SH3RF3: variants seen among roughly 807,000 people sequenced by gnomAD.
SH3RF3 encodes the protein E3 ubiquitin-protein ligase SH3RF3.
SH3RF3 carries 29 observed loss-of-function variants against 66.3 expected under a neutral mutation model. That is an observed-to-expected ratio of 0.44 (90% CI 0.33 to 0.60). The LOEUF is 0.60. SH3RF3 is among the 20% of genes least tolerant of loss of function. The probability of loss-of-function intolerance (pLI) is 0.04; values close to 1 mark genes in which losing one functional copy is unlikely to be tolerated. For missense variants in SH3RF3, 1,194 were observed against 1,190.9 expected (o/e 1.00, Z -0.04); for synonymous variants, 583 against 532.0 (o/e 1.10, Z -1.32).
chr2:109,248,533 A>G (rs1679975111), intron 1 of SH3RF3, among the ~76,000 whole-genome samples: 1 of 152,258 alleles, frequency 6.6e-6, no homozygotes, highest in African/African-American at 2.4e-5. Flanking sequence ...AATGGATGTT[A>G]CTACCCTGTA....
chr2:109,399,965 C>T (rs895556268), intron 4 of SH3RF3, among the ~76,000 whole-genome samples: 6 of 152,280 alleles, frequency 3.9e-5, no homozygotes, highest in Admixed American at 2.0e-4. Context: ...CCCGCCACCA[C>T]GCTCCACATT....
chr2:109,288,461 G>A (rs772768095), intron 1 of SH3RF3, among the ~76,000 whole-genome samples: 8 of 152,280 alleles, frequency 5.3e-5, no homozygotes, highest in Middle Eastern at 6.8e-3. Flanking sequence ...AAGTATGAGA[G>A]CCCACAGAGA....
Position 109,347,854 on chromosome 2 carries a change from C to T in SH3RF3, c.754C>T (p.Gln252Ter), listed in dbSNP as rs1250250298. 1 of 1,613,616 alleles carries T rather than the reference C, an allele frequency of 6.2e-7. No homozygotes were observed. The highest frequency in any genetic ancestry group is 1.3e-5 in the African/African-American group (1 of 74,908). ...FLPASYIQCI[Q>*]PLPHAPPQGK... Reference sequence around the variant, plus strand: ...CCCAGCCAGCTATATCCAGTGCATCCAGCCCTTGCCACACGCCCCGCCCCA... The same window carrying T: ...CCCAGCCAGCTATATCCAGTGCATCTAGCCCTTGCCACACGCCCCGCCCCA... Residue 252 changes from glutamine to a stop codon, truncating the protein, a stop_gained, in exon 2 of 10, where the codon CAG becomes TAG. Transcript: ENST00000309415. LOFTEE classifies it high-confidence loss of function.
At chr2:109,208,170 C>T (rs115244222) in intron 1 of SH3RF3, among the ~76,000 whole-genome samples, 33 of 152,386 alleles carry the variant, frequency 2.2e-4, no homozygotes, top group African/African-American at 6.7e-4. Context: ...CAGCATGCAA[C>T]TGCCCTGTGG....
At chr2:109,195,968 C>A (rs764629872) in intron 1 of SH3RF3, among the ~76,000 whole-genome samples, 5 of 152,216 alleles carry the variant, frequency 3.3e-5, no homozygotes, top group Non-Finnish European at 5.9e-5. Flanking sequence ...ACCTTGCGGG[C>A]CTTCTGGAGA....
chr2:109,489,245 G>A (rs532282511), intron 8 of SH3RF3, among the ~76,000 whole-genome samples: 3 of 152,356 alleles, frequency 2.0e-5, no homozygotes, highest in African/African-American at 7.2e-5. Flanking sequence ...GGTCACCAAG[G>A]GTGATGGGGA....
intron 3 of SH3RF3, among the ~76,000 whole-genome samples, chr2:109,386,408 A>G (rs1213647917): frequency 6.6e-6 from 1 of 152,108 alleles, no homozygotes; most frequent in African/African-American, 2.4e-5. Context: ...TGACTGTTAC[A>G]AGAAGTTTAA....
At chr2:109,495,205 A>T (rs1232195957) in intron 9 of SH3RF3, among the ~76,000 whole-genome samples, 2 of 152,226 alleles carry the variant, frequency 1.3e-5, no homozygotes, top group Non-Finnish European at 2.9e-5. Context: ...GGAACTCAGA[A>T]TACGGGTGTG....
At chr2:109,182,613 G>A (rs192252574) in intron 1 of SH3RF3, among the ~76,000 whole-genome samples, 42 of 152,332 alleles carry the variant, frequency 2.8e-4, no homozygotes, top group East Asian at 9.6e-4. Context: ...TCGATGTTGC[G>A]TAAATTGGTG....
At chr2:109,420,353 T>G (rs1037687849) in intron 5 of SH3RF3, among the ~76,000 whole-genome samples, 28 of 151,342 alleles carry the variant, frequency 1.9e-4, no homozygotes, top group Non-Finnish European at 7.3e-5. Flanking sequence ...TACAGAAAGT[T>G]CTGTGAATGC....
At chr2:109,302,635 G>C (rs546114401) in intron 1 of SH3RF3, among the ~76,000 whole-genome samples, 4 of 152,368 alleles carry the variant, frequency 2.6e-5, no homozygotes, top group African/African-American at 7.2e-5. Flanking sequence ...GCCAGCCCAG[G>C]CCGCCAGGTC....
At chr2:109,318,210 G>A (rs143682570) in intron 1 of SH3RF3, among the ~76,000 whole-genome samples, 110 of 152,016 alleles carry the variant, frequency 7.2e-4, no homozygotes, top group Middle Eastern at 3.4e-3. Context: ...GGCAAATGCC[G>A]AGATTGTAAA....
chr2:109,246,117 G>C (rs901266281), intron 1 of SH3RF3, among the ~76,000 whole-genome samples: 4 of 152,232 alleles, frequency 2.6e-5, no homozygotes, highest in African/African-American at 9.6e-5. Flanking sequence ...TTCTTCATTT[G>C]TGAAGTGGGA....
At chr2:109,231,155 C>T (rs1679504318) in intron 1 of SH3RF3, among the ~76,000 whole-genome samples, 1 of 152,230 alleles carries the variant, frequency 6.6e-6, no homozygotes, top group African/African-American at 2.4e-5. Context: ...CTCCTCTCCT[C>T]CCGGAGCCAG....
intron 8 of SH3RF3, among the ~76,000 whole-genome samples, chr2:109,450,244 G>A (rs1455171839): frequency 6.6e-6 from 1 of 152,058 alleles, no homozygotes; most frequent in African/African-American, 2.4e-5. Flanking sequence ...TACCTAGGAG[G>A]CTGAGGCAGG....
chr2:109,207,932 C>T (rs566708772), intron 1 of SH3RF3, among the ~76,000 whole-genome samples: 3 of 152,216 alleles, frequency 2.0e-5, no homozygotes, highest in African/African-American at 4.8e-5. Context: ...TAGTTTTGCT[C>T]TAATCTGGAA....
chr2:109,400,425 T>C (rs10185595), intron 4 of SH3RF3, among the ~76,000 whole-genome samples: 82,548 of 151,956 alleles, frequency 0.54, 23,161 homozygotes, highest in African/African-American at 0.67. Context: ...CCTGTGCACA[T>C]ATGTGCACTT....
rs186220746 is a variant in SH3RF3 at position 109,372,264 on chromosome 2, C to T, written c.945+583C>T. ...TAAAGCACCAGGTTTCTAGTGAGTACGTTTAGGGTAGCTGCTGTGCAGAAA... is the reference window on the plus strand; with the variant it reads ...TAAAGCACCAGGTTTCTAGTGAGTATGTTTAGGGTAGCTGCTGTGCAGAAA... On this transcript the variant is annotated intron_variant, in intron 3 of 9. Transcript: ENST00000309415. Among the ~76,000 whole-genome samples, 11 of 152,292 alleles carry T rather than the reference C, an allele frequency of 7.2e-5. No homozygotes were observed. In the East Asian group the frequency reaches 7.7e-4, roughly 11 times the overall value.
rs5833320 is a variant in SH3RF3, at chr2:109,189,367, C to CTT, written c.573+59267_573+59268dup. ...GGAACTTACGTGTTCAGTCGTTTGA[C>CTT]TTTTTTTTTTTTTTCTTTTTTTTGA... is the stretch of plus-strand genomic sequence containing the variant. On this transcript the variant is annotated intron_variant, in intron 1 of 9. Transcript: ENST00000309415. Among the ~76,000 whole-genome samples, 733 of 147,870 alleles carry CTT rather than the reference C, an allele frequency of 5.0e-3. 8 individuals carry two copies. Among genetic ancestry groups the CTT allele is most frequent in the Middle Eastern group, 0.011 (3 of 274 alleles).
Sources: allele counts gnomAD v4.1 joint callset (sites outside exome capture counted in the v4.1 genomes callset), GRCh38; gene constraint gnomAD v4.1.1; transcripts MANE v1.5; gene names NCBI Gene and HGNC (gene_info 2026-07-23, HGNC 2026-07-21).